LRRFIP1: variants seen among roughly 807,000 people sequenced by gnomAD.
The protein encoded by LRRFIP1 is LRR binding FLII interacting protein 1.
Under a neutral mutation model 104.4 loss-of-function variants are expected in LRRFIP1, and 62 were observed. The observed-to-expected ratio is 0.59, with a 90% CI of 0.48 to 0.73. The LOEUF (loss-of-function observed/expected upper bound fraction) is 0.73. LRRFIP1 is among the 30% of genes least tolerant of loss of function. LRRFIP1 has a pLI of 0.00. For synonymous variants in LRRFIP1, 300 were observed against 299.0 expected, an observed-to-expected ratio of 1.00 and a Z score of -0.03; for missense variants, 796 against 824.5, an observed-to-expected ratio of 0.97 and a Z score of 0.42.
At chr2:237,657,501 A>G (rs2087029104) in intron 1 of LRRFIP1, among the ~76,000 whole-genome samples, 1 of 152,188 alleles carries the variant, frequency 6.6e-6, no homozygotes, top group Non-Finnish European at 1.5e-5. Context: ...AAACAACAAC[A>G]ACAACAACAA....
At chr2:237,763,648 G>A (rs143463936) in intron 19 of LRRFIP1, 50 of 1,613,944 alleles carry the variant, frequency 3.1e-5, no homozygotes, top group Non-Finnish European at 3.6e-5. Flanking sequence ...TTGATTGTCC[G>A]GAGAATCCTA....
chr2:237,663,061 G>A (rs369474532), intron 1 of LRRFIP1, among the ~76,000 whole-genome samples: 3 of 152,156 alleles, frequency 2.0e-5, no homozygotes, highest in African/African-American at 4.8e-5. Context: ...CCGGCAGGGA[G>A]CTGGAACACT....
At chr2:237,696,799 C>A (rs1013433107) in intron 1 of LRRFIP1, among the ~76,000 whole-genome samples, 7 of 152,208 alleles carry the variant, frequency 4.6e-5, no homozygotes, top group Admixed American at 6.5e-5. Context: ...GTGGCTGCCA[C>A]GGCTGCTGCT....
At chr2:237,728,939 T>A (rs1244410261) in intron 8 of LRRFIP1, among the ~76,000 whole-genome samples, 4 of 152,234 alleles carry the variant, frequency 2.6e-5, no homozygotes, top group Non-Finnish European at 5.9e-5. Flanking sequence ...TATTTATTTT[T>A]TGAGACAAAG....
intron 1 of LRRFIP1, among the ~76,000 whole-genome samples, chr2:237,671,972 G>A (rs575484594): frequency 6.6e-6 from 1 of 151,308 alleles, no homozygotes; most frequent in East Asian, 1.9e-4. Flanking sequence ...TGTTCACCGG[G>A]TTGAGGGTTT....
chr2:237,738,717 C>T (rs929713633), intron 10 of LRRFIP1, among the ~76,000 whole-genome samples: 1 of 152,190 alleles, frequency 6.6e-6, no homozygotes, highest in Non-Finnish European at 1.5e-5. Flanking sequence ...ATAGCAACCA[C>T]CCAGGTAGAA....
rs1362198553 is a variant in LRRFIP1, at chr2:237,641,068, CTTTAATATTCTG to C, written c.96+13332_96+13343del. Among the ~76,000 whole-genome samples, 25 of 152,256 alleles carry C rather than the reference CTTTAATATTCTG, an allele frequency of 1.6e-4. No individual in the cohort carries two copies. The South Asian group carries it at 5.2e-3, about 32-fold the overall frequency. ...TCCCTCTCACTAATTGAAAATTCAG[CTTTAATATTCTG>C]TTTGGTTTCATCAATAATATTCTTT... is the stretch of plus-strand genomic sequence containing the variant. On this transcript the variant is annotated intron_variant, in intron 1 of 23. Coordinates refer to ENST00000308482, the MANE Select transcript of LRRFIP1 (RefSeq NM_001137550.2).
chr2:237,708,718 C>G, intron 2 of LRRFIP1, 88 bp downstream of exon 2: 1 of 1,381,946 alleles, frequency 7.2e-7, no homozygotes, highest in Non-Finnish European at 1.0e-6. Context: ...TTGCTGCAGA[C>G]GCACCTGGCT....
In LRRFIP1 at chr2:237,717,290, C is replaced by G. The variant is rs549832718; in HGVS notation, c.202-472C>G. ...CAGCATAGACATCAGGCAGCTAGAA[C>G]AAGCGTCAGCACGCAGTTTCTCCCC... On this transcript the variant is annotated intron_variant, in intron 3 of 23. Coordinates refer to ENST00000308482, the MANE Select transcript of LRRFIP1 (RefSeq NM_001137550.2). This position sits in a 1 kb window ranked among gnomAD's most constrained non-coding sequence, Gnocchi z 4.2. Among the ~76,000 whole-genome samples the G allele has an allele frequency of 1.3e-4, 20 of 152,348 alleles. No individual in the cohort carries two copies. The highest frequency in any genetic ancestry group is 3.4e-3 in the Middle Eastern group (1 of 294).
Position 237,719,621 on chromosome 2 carries a change from G to T in LRRFIP1, c.294+54G>T, listed in dbSNP as rs188205260. 3.1e-3 allele frequency: 3,977 copies of T among 1,269,630 alleles called. 87 individuals carry two copies. The African/African-American group carries it at 0.049, about 16-fold the overall frequency. 78.6% of individuals were successfully genotyped at this position (1,269,630 alleles called of 1,614,324 possible). On this transcript the variant is annotated intron_variant, in intron 5 of 23. Transcript: ENST00000308482. ...GCAATTTGATTGAATTCTAATTTAT[G>T]CTTGCAGTGGCTGAAGTATATATAA... is the stretch of plus-strand genomic sequence containing the variant.
intron 1 of LRRFIP1, among the ~76,000 whole-genome samples, chr2:237,648,613 T>C (rs2085369099): frequency 6.6e-6 from 1 of 151,564 alleles, no homozygotes; most frequent in Non-Finnish European, 1.5e-5. Flanking sequence ...AGGTATTTGT[T>C]CCGTGAACTT....
chr2:237,742,660 T>C (rs145320453), intron 11 of LRRFIP1, among the ~76,000 whole-genome samples: 4 of 152,324 alleles, frequency 2.6e-5, no homozygotes, highest in African/African-American at 4.8e-5. Flanking sequence ...ACACCATTGC[T>C]GGTATATTTT....
chr2:237,708,798 G>T (rs1167191486), intron 2 of LRRFIP1, 168 bp downstream of exon 2: 2 of 773,592 alleles, frequency 2.6e-6, no homozygotes, highest in Admixed American at 2.0e-5. Context: ...CCAGGAGTGC[G>T]CATAGCACGG....
chr2:237,693,946 G>C (rs1387725982), intron 1 of LRRFIP1, among the ~76,000 whole-genome samples: 1 of 152,208 alleles, frequency 6.6e-6, no homozygotes, highest in African/African-American at 2.4e-5. Flanking sequence ...GAGGAAGGGA[G>C]AGGAAAGTCT....
chr2:237,774,522 C>A, intron 23 of LRRFIP1, 60 bp downstream of exon 23: 7 of 1,141,578 alleles, frequency 6.1e-6, no homozygotes, highest in Non-Finnish European at 9.1e-6. Flanking sequence ...CTAGTGGGGA[C>A]GGTACAGAGA....
chr2:237,762,378 C>G (rs570854107), intron 19 of LRRFIP1, among the ~76,000 whole-genome samples: 193 of 152,354 alleles, frequency 1.3e-3, no homozygotes, highest in African/African-American at 4.6e-3. Context: ...AGCAGCCACT[C>G]TGGCCTTTGA....
chr2:237,753,086 A>G (rs897667827), intron 14 of LRRFIP1, among the ~76,000 whole-genome samples: 1 of 152,180 alleles, frequency 6.6e-6, no homozygotes, highest in Non-Finnish European at 1.5e-5. Context: ...GAGTGTGTCC[A>G]TTGCTTTTAA....
At chr2:237,695,878 G>C (rs2093149279) in intron 1 of LRRFIP1, among the ~76,000 whole-genome samples, 1 of 151,352 alleles carries the variant, frequency 6.6e-6, no homozygotes, top group African/African-American at 2.4e-5. Flanking sequence ...TAAATATTTT[G>C]ACTACATGCA....
intron 23 of LRRFIP1, among the ~76,000 whole-genome samples, chr2:237,778,323 C>A (rs1177222125): frequency 6.6e-6 from 1 of 152,212 alleles, no homozygotes; most frequent in African/African-American, 2.4e-5. Context: ...GAAAGCAGAG[C>A]CATAGACCCT....
Sources: gnomAD v4.1 joint callset for allele counts (sites outside exome capture counted in the v4.1 genomes callset) on GRCh38, gnomAD v4.1.1 for gene constraint, Gnocchi (gnomAD v3.1) non-coding constraint, MANE v1.5 for transcripts, NCBI Gene and HGNC (gene_info 2026-07-23, HGNC 2026-07-21) for gene names.